BBS9: variants seen among roughly 807,000 people sequenced by gnomAD.
BBS9 encodes Bardet-Biedl syndrome 9.
BBS9 carries 89 observed loss-of-function variants against 117.7 expected under a neutral mutation model. The observed-to-expected ratio is 0.76, with a 90% confidence interval of 0.64 to 0.90. The LOEUF (loss-of-function observed/expected upper bound fraction) is 0.90, where lower values mean the gene tolerates loss of function less well. Ranked by LOEUF, BBS9 falls within the 40% of genes least tolerant of loss-of-function variation. The probability of loss-of-function intolerance (pLI) is 0.00; values close to 1 mark genes in which losing one functional copy is unlikely to be tolerated. For synonymous variants in BBS9, 379 were observed against 370.9 expected (o/e 1.02, Z -0.25); for missense variants, 982 against 1,042.2 (o/e 0.94, Z 0.80).
chr7:33,497,310 G>A (rs1418996088), intron 19 of BBS9, among the ~76,000 whole-genome samples: 1 of 152,148 alleles, frequency 6.6e-6, no homozygotes, highest in African/African-American at 2.4e-5. Context: ...CAGGATTTAA[G>A]AAGCAGAAAA....
At chr7:33,225,716 T>G (rs917161610) in intron 5 of BBS9, among the ~76,000 whole-genome samples, 4 of 151,134 alleles carry the variant, frequency 2.6e-5, no homozygotes, top group African/African-American at 4.9e-5. Flanking sequence ...TTTTTTTTTT[T>G]GTGGGAAATG....
intron 19 of BBS9, among the ~76,000 whole-genome samples, chr7:33,424,001 C>T (rs1833261733): frequency 6.6e-6 from 1 of 152,152 alleles, no homozygotes; most frequent in Non-Finnish European, 1.5e-5. Flanking sequence ...GAGTTTTCAG[C>T]TACTCAGTGG....
chr7:33,451,870 G>C (rs556241175), intron 19 of BBS9, among the ~76,000 whole-genome samples: 1 of 151,898 alleles, frequency 6.6e-6, no homozygotes, highest in South Asian at 2.1e-4. Flanking sequence ...GTCTTGCTCT[G>C]TCACCCAGGC....
At chr7:33,610,249 A>C (rs1040085546), downstream of BBS9, among the ~76,000 whole-genome samples, 1 of 152,118 alleles carries the variant, frequency 6.6e-6, no homozygotes, top group African/African-American at 2.4e-5. Flanking sequence ...ATGGGATAGC[A>C]CTATGAGTGT....
chr7:33,159,234 A>C (rs1794497893), intron 4 of BBS9, among the ~76,000 whole-genome samples: 1 of 152,208 alleles, frequency 6.6e-6, no homozygotes, highest in South Asian at 2.1e-4. Context: ...GAGATTGACC[A>C]CAACTAGTCA....
At chr7:33,510,301 T>C (rs1157330468) in intron 20 of BBS9, among the ~76,000 whole-genome samples, 2 of 152,012 alleles carry the variant, frequency 1.3e-5, no homozygotes, top group Non-Finnish European at 2.9e-5. Context: ...ATGTCTCGAT[T>C]GACCCTCTGT....
At chr7:33,465,272 T>A (rs1297005243) in intron 19 of BBS9, among the ~76,000 whole-genome samples, 1 of 150,204 alleles carries the variant, frequency 6.7e-6, no homozygotes, top group African/African-American at 2.4e-5. Flanking sequence ...TTTTTTTTTT[T>A]CAGCTTCCTC....
intron 19 of BBS9, among the ~76,000 whole-genome samples, chr7:33,420,609 C>G (rs1014427296): frequency 6.6e-6 from 1 of 152,028 alleles, no homozygotes; most frequent in Non-Finnish European, 1.5e-5. Context: ...ATAGCATAGC[C>G]GAGAAATCCA....
intron 19 of BBS9, among the ~76,000 whole-genome samples, chr7:33,498,414 A>T (rs1043591640): frequency 6.6e-6 from 1 of 152,148 alleles, no homozygotes; most frequent in African/African-American, 2.4e-5. Flanking sequence ...TTAGTTATTC[A>T]CAGGATTGTG....
At chr7:33,297,585 T>C (rs976259837) in intron 9 of BBS9, among the ~76,000 whole-genome samples, 3 of 152,122 alleles carry the variant, frequency 2.0e-5, no homozygotes, top group African/African-American at 7.2e-5. Context: ...CAAGAAGGAA[T>C]AAACTCTTTT....
chr7:33,286,347 G>A (rs1562939079), intron 9 of BBS9, among the ~76,000 whole-genome samples: 1 of 152,110 alleles, frequency 6.6e-6, no homozygotes, highest in Non-Finnish European at 1.5e-5. Flanking sequence ...TAGCCAAAAG[G>A]AAAGTGTTTG....
chr7:33,151,287 T>C (rs956283768), intron 2 of BBS9, among the ~76,000 whole-genome samples: 4 of 152,032 alleles, frequency 2.6e-5, no homozygotes, highest in Non-Finnish European at 5.9e-5. Flanking sequence ...ATTCCAAATA[T>C]GCTTGCATGT....
intron 21 of BBS9, among the ~76,000 whole-genome samples, chr7:33,584,508 G>A (rs1432568960): frequency 6.6e-6 from 1 of 151,780 alleles, no homozygotes; most frequent in Non-Finnish European, 1.5e-5. Flanking sequence ...AAAAATTAGA[G>A]TCCAGAGTGC....
At chr7:33,147,567 C>T (rs1792617458) in intron 2 of BBS9, among the ~76,000 whole-genome samples, 1 of 152,134 alleles carries the variant, frequency 6.6e-6, no homozygotes, top group African/African-American at 2.4e-5. Context: ...TTCCTCAACC[C>T]TGCCTCTGCC....
At chr7:33,420,598 G>A (rs1832711635) in intron 19 of BBS9, among the ~76,000 whole-genome samples, 1 of 152,116 alleles carries the variant, frequency 6.6e-6, no homozygotes, top group Non-Finnish European at 1.5e-5. Flanking sequence ...ACTCTTGTTT[G>A]ATAGCATAGC....
chr7:33,159,818 C>G (rs978439927), intron 4 of BBS9, among the ~76,000 whole-genome samples: 1 of 152,172 alleles, frequency 6.6e-6, no homozygotes, highest in Admixed American at 6.6e-5. Flanking sequence ...ATATAGCACA[C>G]TAGGGAGATT....
chr7:33,136,819 A>T (rs1790539719), intron 1 of BBS9, among the ~76,000 whole-genome samples: 1 of 152,100 alleles, frequency 6.6e-6, no homozygotes, highest in Non-Finnish European at 1.5e-5. Flanking sequence ...GGCTCAGGGT[A>T]ATTAGATTTA....
At chr7:33,430,922 C>T (rs977315746) in intron 19 of BBS9, among the ~76,000 whole-genome samples, 3 of 151,936 alleles carry the variant, frequency 2.0e-5, no homozygotes, top group Non-Finnish European at 4.4e-5. Flanking sequence ...GGCATGGTGG[C>T]TCACGCCTAT....
intron 5 of BBS9, among the ~76,000 whole-genome samples, chr7:33,190,279 T>C (rs1304635889): frequency 6.6e-6 from 1 of 151,998 alleles, no homozygotes; most frequent in Admixed American, 6.6e-5. Context: ...GCCACCACAC[T>C]CGGCTAACTT....
Sources: allele counts gnomAD v4.1 joint callset (sites outside exome capture counted in the v4.1 genomes callset), GRCh38; gene constraint gnomAD v4.1.1; transcripts MANE v1.5; gene names NCBI Gene and HGNC (gene_info 2026-07-23, HGNC 2026-07-21).